MGAT5: variants seen among roughly 807,000 people sequenced by gnomAD.
MGAT5 encodes the protein alpha-1,6-mannosylglycoprotein 6-beta-N-acetylglucosaminyltransferase A.
MGAT5 carries 30 observed loss-of-function variants against 94.3 expected under a neutral mutation model. That is an observed-to-expected ratio of 0.32 (90% confidence interval 0.24 to 0.43). The LOEUF is 0.43. MGAT5 is among the 20% of genes least tolerant of loss of function. The pLI, the probability that MGAT5 is intolerant of heterozygous loss-of-function variation, is 1.00. For missense variants in MGAT5, 691 were observed against 905.5 expected, an observed-to-expected ratio of 0.76 and a Z score of 3.04; for synonymous variants, 310 against 322.9, an observed-to-expected ratio of 0.96 and a Z score of 0.43.
intron 2 of MGAT5, 102 bp from the exon 3 acceptor site, chr2:134,317,427 C>G (rs1016300953): frequency 1.4e-6 from 1 of 734,434 alleles, no homozygotes; most frequent in Non-Finnish European, 2.1e-6. Context: ...CAACAGAGAC[C>G]TTTCTTTTTT....
intron 1 of MGAT5, among the ~76,000 whole-genome samples, chr2:134,256,563 G>T (rs914267423): frequency 2.6e-5 from 4 of 152,162 alleles, no homozygotes; most frequent in African/African-American, 9.7e-5. Flanking sequence ...CATAGGGAAG[G>T]CTTCCCCACA....
At chr2:134,281,118 G>C (rs992201998) in intron 2 of MGAT5, among the ~76,000 whole-genome samples, 1 of 152,082 alleles carries the variant, frequency 6.6e-6, no homozygotes, top group African/African-American at 2.4e-5. Context: ...CTGACCCTCC[G>C]ATTCATGCTC....
In MGAT5 at chr2:134,254,610, G is replaced by C; in HGVS notation, c.207G>C (p.Val69=). 1 of 1,614,212 alleles carries C rather than the reference G, an allele frequency of 6.2e-7. No individual in the cohort carries two copies. The highest frequency in any genetic ancestry group is 8.5e-7 in the Non-Finnish European group (1 of 1,180,042). ...TGGCAGAAGAAAACAGGAATGTGGT[G>C]GATGGGCCATACGCTGGAGTCATGA... ...KALAEENRNV[V]DGPYAGVMTA... is the part of the protein sequence containing the mutation. Residue 69 remains valine (V), a synonymous_variant, in exon 1 of 16, where the codon GTG becomes GTC. Coordinates refer to ENST00000281923, the MANE Select transcript of MGAT5 (RefSeq NM_002410.5).
intron 1 of MGAT5, among the ~76,000 whole-genome samples, chr2:134,228,634 CAG>C (rs1204802888): frequency 6.6e-6 from 1 of 152,182 alleles, no homozygotes; most frequent in Admixed American, 6.5e-5. Flanking sequence ...TTGCAGAAGG[CAG>C]AGAGTTTTGC....
At chr2:134,245,214 G>C (rs757194297) in intron 1 of MGAT5, among the ~76,000 whole-genome samples, 1 of 152,082 alleles carries the variant, frequency 6.6e-6, no homozygotes, top group African/African-American at 2.4e-5. Context: ...GGGTTTCACC[G>C]TGTTAGCCAG....
At chr2:134,226,638 A>G (rs1681078610) in intron 1 of MGAT5, among the ~76,000 whole-genome samples, 1 of 152,202 alleles carries the variant, frequency 6.6e-6, no homozygotes, top group African/African-American at 2.4e-5. Context: ...TAAGAATGAA[A>G]CGAGCTAGTG....
In MGAT5 at chr2:134,424,000, A is replaced by G. The variant is rs538963437; in HGVS notation, c.1794+1081A>G. On this transcript the variant is annotated intron_variant, in intron 13 of 15. Transcript: ENST00000281923. ...GAGGAATAGATGTCTGCAAGTAAGC[A>G]TAATACAAGGCTGAATATGTTCAGT... 3.3e-5 allele frequency among the ~76,000 whole-genome samples: 5 copies of G among 152,362 alleles called. 1 individual carries two copies. In the South Asian group the frequency reaches 1.0e-3, roughly 32 times the overall value.
At chr2:134,145,214 C>CTCTCTGTGTGTG (rs373377770) in intron 1 of MGAT5, among the ~76,000 whole-genome samples, 4,501 of 143,800 alleles carry the variant, frequency 0.031, 71 homozygotes, top group East Asian at 0.043. Flanking sequence ...GTCTCTCTCT[C>CTCTCTGTGTGTG]TGTGTGTGTG....
chr2:134,323,120 T>C (rs1217586031), intron 4 of MGAT5, among the ~76,000 whole-genome samples: 1 of 152,190 alleles, frequency 6.6e-6, no homozygotes, highest in Non-Finnish European at 1.5e-5. Context: ...TAGAAACTTC[T>C]GTTAGTACTT....
intron 1 of MGAT5, among the ~76,000 whole-genome samples, chr2:134,209,152 AT>A (rs869116395): frequency 0.046 from 962 of 20,776 alleles, 141 homozygotes; most frequent in Non-Finnish European, 0.05. Context: ...TTTTTTTTTT[AT>A]TTTTTTTTTT....
intron 2 of MGAT5, among the ~76,000 whole-genome samples, chr2:134,308,359 C>T (rs571050363): frequency 2.4e-4 from 37 of 152,246 alleles, no homozygotes; most frequent in African/African-American, 7.7e-4. Flanking sequence ...TCTTGTCACA[C>T]GATAATCCAG....
chr2:134,301,005 C>T (rs1191587027), intron 2 of MGAT5, among the ~76,000 whole-genome samples: 3 of 152,086 alleles, frequency 2.0e-5, no homozygotes, highest in Non-Finnish European at 2.9e-5. Flanking sequence ...GAATGTTCCC[C>T]CATGCCTCTT....
intron 2 of MGAT5, among the ~76,000 whole-genome samples, chr2:134,296,235 A>T (rs1033674330): frequency 1.3e-5 from 2 of 152,150 alleles, no homozygotes; most frequent in African/African-American, 2.4e-5. Flanking sequence ...CATGGAATTT[A>T]AAAAATAACA....
intron 10 of MGAT5, among the ~76,000 whole-genome samples, chr2:134,399,837 G>T (rs1264215787): frequency 6.6e-6 from 1 of 152,170 alleles, no homozygotes; most frequent in East Asian, 1.9e-4. Flanking sequence ...AGTAAGGGAA[G>T]GGAAGGGGGA....
At chr2:134,439,878 CAAGG>C (rs1384651380) in intron 14 of MGAT5, among the ~76,000 whole-genome samples, 1 of 152,178 alleles carries the variant, frequency 6.6e-6, no homozygotes, top group African/African-American at 2.4e-5. Context: ...ACATGACAGA[CAAGG>C]GAGGGACAGA....
chr2:134,275,397 T>C (rs1203885117), intron 2 of MGAT5, among the ~76,000 whole-genome samples: 1 of 152,156 alleles, frequency 6.6e-6, no homozygotes. Flanking sequence ...GGTTTTCACT[T>C]TGTGTGGTCA....
intron 15 of MGAT5, among the ~76,000 whole-genome samples, chr2:134,443,160 G>A (rs1170369227): frequency 1.4e-5 from 2 of 144,644 alleles, no homozygotes; most frequent in Non-Finnish European, 3.0e-5. Context: ...GCTCTCATGA[G>A]TAGGGGTGTA....
chr2:134,403,240 G>T, intron 11 of MGAT5, 103 bp downstream of exon 11: 1 of 1,286,802 alleles, frequency 7.8e-7, no homozygotes, highest in Non-Finnish European at 1.0e-6. Context: ...ATAAACTCTT[G>T]TGGCTATTTT....
At chr2:134,310,096 T>A (rs1420118405) in intron 2 of MGAT5, among the ~76,000 whole-genome samples, 2 of 152,202 alleles carry the variant, frequency 1.3e-5, no homozygotes, top group Non-Finnish European at 2.9e-5. Context: ...CTTGTTGAGT[T>A]CCATTATGTC....
Sources: gnomAD v4.1 joint callset for allele counts (sites outside exome capture counted in the v4.1 genomes callset) on GRCh38, gnomAD v4.1.1 for gene constraint, MANE v1.5 for transcripts, NCBI Gene and HGNC (gene_info 2026-07-23, HGNC 2026-07-21) for gene names.